UBE3B: variants seen among roughly 807,000 people sequenced by gnomAD.
The protein encoded by UBE3B is ubiquitin-protein ligase E3B.
UBE3B carries 80 observed loss-of-function variants against 132.3 expected under a neutral mutation model. The ratio of observed to expected loss-of-function variants is 0.60; its 90% CI spans 0.50 to 0.73. UBE3B has a LOEUF of 0.73. UBE3B is among the 30% of genes least tolerant of loss of function. UBE3B has a pLI of 0.00. For synonymous variants in UBE3B, 487 were observed against 520.4 expected (o/e 0.94, Z 0.87); for missense variants, 1,196 against 1,362.5 (o/e 0.88, Z 1.92).
chr12:109,490,791 C>T, intron 8 of UBE3B: 5 of 1,346,116 alleles, frequency 3.7e-6, no homozygotes, highest in Non-Finnish European at 4.8e-6. Flanking sequence ...TTTATAAAAA[C>T]ACTGCATACG....
At chr12:109,503,494 A>T (rs1369185853) in intron 14 of UBE3B, among the ~76,000 whole-genome samples, 1 of 152,184 alleles carries the variant, frequency 6.6e-6, no homozygotes, top group African/African-American at 2.4e-5. Context: ...TGCAAAAAAA[A>T]AAGGAAAAAG....
chr12:109,536,883 A>G (rs1592984991), downstream of UBE3B, among the ~76,000 whole-genome samples: 1 of 152,302 alleles, frequency 6.6e-6, no homozygotes. Flanking sequence ...ATTTGCTTCC[A>G]ATTGTGTTTC....
downstream of UBE3B, among the ~76,000 whole-genome samples, chr12:109,539,977 G>C (rs7954766): frequency 0.16 from 24,532 of 151,428 alleles, 2,039 homozygotes; most frequent in Non-Finnish European, 0.17. Context: ...GATGGGGTCT[G>C]TGTCAGCTTA....
chr12:109,531,617 T>G (rs1318709100), intron 26 of UBE3B, among the ~76,000 whole-genome samples: 1 of 152,064 alleles, frequency 6.6e-6, no homozygotes, highest in Non-Finnish European at 1.5e-5. Flanking sequence ...TCCTGGGTGG[T>G]CATTCTGAGG....
intron 21 of UBE3B, among the ~76,000 whole-genome samples, chr12:109,523,289 T>G (rs2136080341): frequency 6.6e-6 from 1 of 152,336 alleles, no homozygotes; most frequent in East Asian, 1.9e-4. Flanking sequence ...TCTGGCTGTG[T>G]CTGCCTCCTG....
chr12:109,510,126 T>C (rs2135985294), intron 16 of UBE3B, among the ~76,000 whole-genome samples: 1 of 152,280 alleles, frequency 6.6e-6, no homozygotes, highest in East Asian at 1.9e-4. Flanking sequence ...GATGACACAC[T>C]AGTGGGAGGC....
intron 4 of UBE3B, 181 bp downstream of exon 4, chr12:109,484,162 T>C: frequency 1.7e-6 from 1 of 582,732 alleles, no homozygotes; most frequent in Non-Finnish European, 2.8e-6. Flanking sequence ...TTAGGAATCT[T>C]TTCACATTGA....
At chr12:109,526,307 T>C in intron 23 of UBE3B, 51 bp from the exon 24 acceptor site, 1 of 1,586,156 alleles carries the variant, frequency 6.3e-7, no homozygotes, top group Non-Finnish European at 8.7e-7. Context: ...CGGGAAGCTT[T>C]ATTTCCCCAT....
At position 109,491,199 on chromosome 12, in the gene UBE3B, C is replaced by G. The variant is rs375274454; in HGVS notation, c.713+72C>G. The stretch of plus-strand genomic sequence containing the variant: ...TCCTCCTCTTGGTTTTTCTTTCTCT[C>G]GTTACTGGTATTAGGTATAGACTTG... On this transcript the variant is annotated intron_variant, in intron 9 of 27. Transcript: ENST00000342494. 5.3e-5 allele frequency: 76 copies of G among 1,445,182 alleles called. No individual in the cohort carries two copies. In the South Asian group the frequency reaches 8.1e-4, roughly 15 times the overall value. The allele number at this position is 1,445,182 out of a possible 1,614,324, so 89.5% of individuals were successfully genotyped here. A position where few individuals can be genotyped will look rare whatever the true frequency, so the allele number is the denominator to read the frequency against.
intron 26 of UBE3B, among the ~76,000 whole-genome samples, chr12:109,532,987 G>A (rs1035929528): frequency 1.4e-4 from 21 of 152,192 alleles, no homozygotes; most frequent in South Asian, 2.1e-4. Context: ...CAGTGAGTGC[G>A]GGTCTCCCGG....
Position 109,486,529 on chromosome 12 carries a change from T to C in UBE3B, c.401T>C (p.Ile134Thr). ...KDLTLLWIQQIKNILWYCCDF... is the reference protein window; with the variant it reads ...KDLTLLWIQQTKNILWYCCDF... ...CTCACCCTCCTTTGGATTCAACAGA[T>C]CAAGAACATTTTGTGGTACTGCTGT... The change falls in exon 6 of 28, where the codon ATC becomes ACC. Residue 134 changes from isoleucine (I) to threonine (T), a missense_variant. Transcript: ENST00000342494. 6.6e-7 allele frequency: 1 copy of C among 1,522,794 alleles called. No individual in the cohort carries two copies. Among genetic ancestry groups the C allele is most frequent in the Non-Finnish European group, 8.8e-7 (1 of 1,136,602 alleles). The allele number at this position is 1,522,794 out of a possible 1,614,324, so 94.3% of individuals were successfully genotyped here. A position where few individuals can be genotyped will look rare whatever the true frequency, so the allele number is the denominator to read the frequency against.
chr12:109,511,058 A>T, intron 17 of UBE3B, 146 bp from the exon 18 acceptor site: 1 of 675,340 alleles, frequency 1.5e-6, no homozygotes, highest in Non-Finnish European at 2.6e-6. Context: ...CTATACATGT[A>T]TGAATGAGTA....
At chr12:109,518,289 C>T (rs118168308) in intron 19 of UBE3B, among the ~76,000 whole-genome samples, 8,160 of 152,238 alleles carry the variant, frequency 0.054, 303 homozygotes, top group Non-Finnish European at 0.082. Flanking sequence ...CCAGAAGAGG[C>T]CACCGCCACT....
rs775891742 is a variant in UBE3B, at chr12:109,534,323, G to A, written c.3016-268G>A. 14 of 1,400,594 alleles carry A rather than the reference G, an allele frequency of 1.0e-5. No homozygotes were observed. The highest frequency in any genetic ancestry group is 2.7e-5 in the East Asian group (1 of 37,508). 86.8% of individuals were successfully genotyped at this position (1,400,594 alleles called of 1,614,324 possible). ...TTGTCAATTGGTTAACCAGTAATTC[G>A]CTGTGAACCGGAAGGCCCCATTTCC... On this transcript the variant is annotated intron_variant, in intron 27 of 27. Coordinates refer to ENST00000342494, the MANE Select transcript of UBE3B (RefSeq NM_130466.4). The surrounding 1 kb of genome is among the most constrained non-coding windows in gnomAD (Gnocchi z 5.2).
intron 9 of UBE3B, chr12:109,491,359 C>A (rs1877442618): frequency 5.2e-6 from 2 of 382,618 alleles, no homozygotes; most frequent in African/African-American, 4.1e-5. Context: ...GCAGTGTGAT[C>A]TTTGGAAACT....
Position 109,521,286 on chromosome 12 carries a change from A to T in UBE3B, c.2215A>T (p.Ile739Phe). 6.2e-7 allele frequency: 1 copy of T among 1,614,246 alleles called. No homozygotes were observed. The highest frequency in any genetic ancestry group is 8.5e-7 in the Non-Finnish European group (1 of 1,180,044). ...TTTTAAGGAGTTCTTGGAAGAGATC[A>T]TCAAGAGAGTTTTTGACCCAGCACT... ...GVFKEFLEEIIKRVFDPALNL... is the reference protein window; with the variant it reads ...GVFKEFLEEIFKRVFDPALNL... Residue 739 changes from isoleucine (I) to phenylalanine (F), a missense_variant, in exon 20 of 28, where the codon ATC becomes TTC. Ile to Phe is a conservative substitution (Grantham distance 21). Transcript: ENST00000342494. This position sits in a 1 kb window ranked among gnomAD's most constrained non-coding sequence, Gnocchi z 4.2.
chr12:109,511,391 G>C, intron 18 of UBE3B, 88 bp downstream of exon 18: 1 of 1,208,720 alleles, frequency 8.3e-7, no homozygotes, highest in Non-Finnish European at 1.2e-6. Context: ...GGCAATTGGA[G>C]GTGACTAAGT....
chr12:109,524,302 A>AT, intron 22 of UBE3B, 136 bp from the exon 23 acceptor site: 1 of 1,349,466 alleles, frequency 7.4e-7, no homozygotes, highest in Admixed American at 1.9e-5. Flanking sequence ...AAAGTCACGA[A>AT]TGACTTTCTT....
chr12:109,495,628 G>A (rs760966447), intron 9 of UBE3B, among the ~76,000 whole-genome samples: 4 of 152,216 alleles, frequency 2.6e-5, no homozygotes, highest in African/African-American at 7.2e-5. Flanking sequence ...ATTTACCCAC[G>A]TATTTACTGA....
Sources: allele counts gnomAD v4.1 joint callset (sites outside exome capture counted in the v4.1 genomes callset), GRCh38; gene constraint gnomAD v4.1.1; non-coding constraint Gnocchi (gnomAD v3.1); transcripts MANE v1.5; gene names NCBI Gene and HGNC (gene_info 2026-07-23, HGNC 2026-07-21).